The following XPO5 variants were observed in gnomAD, a reference collection of about 807,000 sequenced individuals.
The protein encoded by XPO5 is exportin 5.
XPO5 carries 46 observed loss-of-function variants against 160.6 expected under a neutral mutation model. That is an observed-to-expected ratio of 0.29 (90% CI 0.23 to 0.37). The LOEUF is 0.37. Ranked by LOEUF, XPO5 falls within the 10% of genes least tolerant of loss-of-function variation. XPO5 has a pLI of 1.00. For synonymous variants in XPO5, 537 were observed against 519.3 expected (o/e 1.03, Z -0.46); for missense variants, 1,090 against 1,463.9 (o/e 0.74, Z 4.17).
intron 12 of XPO5, 32 bp from the exon 13 acceptor site, chr6:43,555,996 GAATC>G (rs779092984): frequency 1.2e-6 from 2 of 1,611,172 alleles, no homozygotes. Flanking sequence ...GGAAGGACAG[GAATC>G]AATAACTGGT....
rs575931225 is a variant in XPO5, at chr6:43,538,910, G to A, written c.2343-4903C>T. 165 of 1,224,110 alleles carry A rather than the reference G, an allele frequency of 1.3e-4. No individual in the cohort carries two copies. In the East Asian group the frequency reaches 1.9e-3, roughly 14 times the overall value. The allele number at this position is 1,224,110 out of a possible 1,614,324, so 75.8% of individuals were successfully genotyped here. A position where few individuals can be genotyped will look rare whatever the true frequency, so the allele number is the denominator to read the frequency against. On this transcript the variant is annotated intron_variant, in intron 20 of 31. Transcript: ENST00000265351. ...GAGGTGGTCAGTGAATTCCTGATAGGGAGACTTGGTAAATACAGTCTCCTT... is the reference window on the plus strand; with the variant it reads ...GAGGTGGTCAGTGAATTCCTGATAGAGAGACTTGGTAAATACAGTCTCCTT...
rs1256055367 is a variant in XPO5 at position 43,567,208 on chromosome 6, C to A, written c.795G>T (p.Leu265Phe). The A allele has an allele frequency of 8.1e-6, 13 of 1,613,720 alleles. No homozygotes were observed. The highest frequency in any genetic ancestry group is 1.1e-5 in the Non-Finnish European group (13 of 1,179,780). The change falls in exon 7 of 32, where the codon TTG becomes TTT. Residue 265 changes from leucine to phenylalanine, a missense_variant. Transcript: ENST00000265351. ...CLLLNEQELQ[L>F]GAAECLLIAV... Reference sequence around the variant, plus strand: ...CAATGAGAAGACACTCAGCGGCTCCCAACTGAAGTTCCTGTTCATTCAACA... The same window carrying A: ...CAATGAGAAGACACTCAGCGGCTCCAAACTGAAGTTCCTGTTCATTCAACA...
Position 43,523,836 on chromosome 6 carries a change from A to G in XPO5, c.*32T>C. 1 of 1,613,986 alleles carries G rather than the reference A, an allele frequency of 6.2e-7. No individual in the cohort carries two copies. Among genetic ancestry groups the G allele is most frequent in the Non-Finnish European group, 8.5e-7 (1 of 1,179,854 alleles). On this transcript the variant is annotated 3_prime_UTR_variant, in exon 32 of 32. Transcript: ENST00000265351. ...ACAAAGGGAAAGAAGAGATGACAAG[A>G]AAGGCCGAGGAAGGATGCCCAAAAG...
chr6:43,560,595 A>C (rs1762367705), intron 10 of XPO5, among the ~76,000 whole-genome samples: 1 of 152,266 alleles, frequency 6.6e-6, no homozygotes, highest in Non-Finnish European at 1.5e-5. Flanking sequence ...AATTTTGAAC[A>C]GAGTGAAATT....
At position 43,523,549 on chromosome 6, in the gene XPO5, C is replaced by T. The variant is rs1793332978; in HGVS notation, c.*319G>A. 2 of 514,896 alleles carry T rather than the reference C, an allele frequency of 3.9e-6. No homozygotes were observed. Among genetic ancestry groups the T allele is most frequent in the Admixed American group, 2.3e-5 (1 of 43,460 alleles). The allele number at this position is 514,896 out of a possible 1,614,324, so 31.9% of individuals were successfully genotyped here. A position where few individuals can be genotyped will look rare whatever the true frequency, so the allele number is the denominator to read the frequency against. ...ACCATTCTGTACAGGTATGTGGCTG[C>T]ACGGGGGTGGGAGGGCTTGTGGGAG... is the stretch of plus-strand genomic sequence containing the variant. On this transcript the variant is annotated 3_prime_UTR_variant, in exon 32 of 32. Coordinates refer to ENST00000265351, the MANE Select transcript of XPO5 (RefSeq NM_020750.3).
rs575651392 is a variant in XPO5 at position 43,535,833 on chromosome 6, T to C, written c.2343-1826A>G. On this transcript the variant is annotated intron_variant, in intron 20 of 31. Coordinates refer to ENST00000265351, the MANE Select transcript of XPO5 (RefSeq NM_020750.3). The stretch of plus-strand genomic sequence containing the variant: ...CATCTCAAAAAAAAAAAAAAAAAAG[T>C]CATTCTAGGCCGGGCGCAGTGGCTC... Among the ~76,000 whole-genome samples, 19 of 117,830 alleles carry C rather than the reference T, an allele frequency of 1.6e-4. No individual in the cohort carries two copies. In the South Asian group the frequency reaches 4.9e-3, roughly 31 times the overall value. 77.3% of individuals were successfully genotyped at this position (117,830 alleles called of 152,430 possible).
rs573056873 is a variant in XPO5 at position 43,556,547 on chromosome 6, T to A, written c.1313-583A>T. ...TCAAAAAAAAAAAAAAAAAAATTTT[T>A]AAAAAGTAAATCAGGTTGGTGGTAA... On this transcript the variant is annotated intron_variant, in intron 12 of 31. Transcript: ENST00000265351. Among the ~76,000 whole-genome samples, 67 of 151,538 alleles carry A rather than the reference T, an allele frequency of 4.4e-4. No individual in the cohort carries two copies. The East Asian group carries it at 0.01, about 23-fold the overall frequency.
At position 43,538,139 on chromosome 6, in the gene XPO5, C is replaced by CTTTTTTTTTT. The variant is rs1160662301; in HGVS notation, c.2343-4142_2343-4133dup. ...TATAAATTTAGAGCCTAAGAGACAT[C>CTTTTTTTTTT]TTTTTTTTTTTTTTTTTTTTTTTTT... On this transcript the variant is annotated intron_variant, in intron 20 of 31. Coordinates refer to ENST00000265351, the MANE Select transcript of XPO5 (RefSeq NM_020750.3). Among the ~76,000 whole-genome samples, 19 of 48,920 alleles carry CTTTTTTTTTT rather than the reference C, an allele frequency of 3.9e-4. 1 individual carries two copies. Among genetic ancestry groups the CTTTTTTTTTT allele is most frequent in the African/African-American group, 1.5e-3 (18 of 12,106 alleles). The allele number at this position is 48,920 out of a possible 152,430, so 32.1% of individuals were successfully genotyped here.
chr6:43,553,708 T>G, intron 13 of XPO5: 6 of 1,112,884 alleles, frequency 5.4e-6, no homozygotes, highest in Non-Finnish European at 7.1e-6. Flanking sequence ...AGGTGAAGGT[T>G]CCTACCATGC....
At chr6:43,565,150 G>A (rs1056698299) in intron 8 of XPO5, among the ~76,000 whole-genome samples, 9 of 152,042 alleles carry the variant, frequency 5.9e-5, no homozygotes, top group Non-Finnish European at 8.8e-5. Context: ...TCAAACTCCT[G>A]GCCTCAAGTG....
At chr6:43,571,427 T>C (rs925153572) in intron 3 of XPO5, among the ~76,000 whole-genome samples, 1 of 152,082 alleles carries the variant, frequency 6.6e-6, no homozygotes, top group Non-Finnish European at 1.5e-5. Context: ...AGATCCCATC[T>C]CTCATGTCTG....
At chr6:43,558,657 C>T in intron 11 of XPO5, 66 bp from the exon 12 acceptor site, 1 of 1,246,920 alleles carries the variant, frequency 8.0e-7, no homozygotes, top group Non-Finnish European at 1.1e-6. Context: ...TTTTAAGCTT[C>T]AGGAGTTCAA....
chr6:43,573,804 A>AATATATATATAT (rs57760552), intron 1 of XPO5, among the ~76,000 whole-genome samples: 2 of 117,170 alleles, frequency 1.7e-5, no homozygotes, highest in African/African-American at 3.2e-5. Flanking sequence ...ATCTCTATTA[A>AATATATATATAT]ATATATATAT....
chr6:43,537,666 A>G (rs1794420189), intron 20 of XPO5, among the ~76,000 whole-genome samples: 1 of 152,228 alleles, frequency 6.6e-6, no homozygotes. Context: ...TAACAAAAAT[A>G]AAGGAAAGTA....
chr6:43,533,851 G>A (rs1463269362), intron 21 of XPO5, 56 bp downstream of exon 21: 3 of 1,328,974 alleles, frequency 2.3e-6, no homozygotes, highest in African/African-American at 3.0e-5. Flanking sequence ...ACAAAAAAAG[G>A]GGACATCCAT....
intron 20 of XPO5, among the ~76,000 whole-genome samples, chr6:43,537,312 T>A (rs1794401218): frequency 6.6e-6 from 1 of 152,186 alleles, no homozygotes. Context: ...TAGATCAACC[T>A]GTAATACATA....
At chr6:43,524,115 G>C in intron 31 of XPO5, 110 bp from the exon 32 acceptor site, 1 of 1,452,828 alleles carries the variant, frequency 6.9e-7, no homozygotes, top group Middle Eastern at 2.2e-4. Context: ...CTTTTGGGAG[G>C]CCAAGGCGGG....
At chr6:43,529,430 T>C in intron 23 of XPO5, 2 of 333,672 alleles carry the variant, frequency 6.0e-6, no homozygotes, top group South Asian at 2.3e-5. Flanking sequence ...GGCGAGCGCC[T>C]GTAGTCCCAG....
intron 25 of XPO5, 75 bp from the exon 26 acceptor site, chr6:43,527,806 GACTC>G: frequency 6.8e-7 from 1 of 1,478,650 alleles, no homozygotes; most frequent in Non-Finnish European, 9.4e-7. Flanking sequence ...ACCCTAATCA[GACTC>G]TCTCTGACCA....
Sources: gnomAD v4.1 joint callset for allele counts (sites outside exome capture counted in the v4.1 genomes callset) on GRCh38, gnomAD v4.1.1 for gene constraint, MANE v1.5 for transcripts, NCBI Gene and HGNC (gene_info 2026-07-23, HGNC 2026-07-21) for gene names.